ATRNL1: variants seen among roughly 807,000 people sequenced by gnomAD.
ATRNL1 encodes attractin like 1.
ATRNL1 carries 95 observed loss-of-function variants against 182.7 expected under a neutral mutation model. The observed-to-expected ratio is 0.52, with a 90% CI of 0.44 to 0.62. The LOEUF is 0.62. ATRNL1 is among the 20% of genes least tolerant of loss of function. The pLI, the probability that ATRNL1 is intolerant of heterozygous loss-of-function variation, is 0.00. For synonymous variants in ATRNL1, 576 were observed against 568.3 expected (o/e 1.01, Z -0.19); for missense variants, 1,471 against 1,679.5 (o/e 0.88, Z 2.17).
At chr10:115,490,998 A>G (rs1268475341) in intron 24 of ATRNL1, among the ~76,000 whole-genome samples, 1 of 152,146 alleles carries the variant, frequency 6.6e-6, no homozygotes, top group Non-Finnish European at 1.5e-5. Context: ...CCTCTGCTGC[A>G]GGTCTCCTGG....
chr10:115,765,601 T>G (rs1179643761), intron 27 of ATRNL1, among the ~76,000 whole-genome samples: 1 of 152,204 alleles, frequency 6.6e-6, no homozygotes, highest in Non-Finnish European at 1.5e-5. Context: ...CTTCTTACTC[T>G]CTTACATTGT....
chr10:115,211,381 A>G (rs1482094666), intron 8 of ATRNL1, among the ~76,000 whole-genome samples: 1 of 151,404 alleles, frequency 6.6e-6, no homozygotes, highest in Non-Finnish European at 1.5e-5. Context: ...TTGGACCTCC[A>G]TGGTTTCAGA....
At chr10:115,117,191 T>C (rs1279361456) in intron 1 of ATRNL1, among the ~76,000 whole-genome samples, 1 of 152,116 alleles carries the variant, frequency 6.6e-6, no homozygotes, top group Non-Finnish European at 1.5e-5. Context: ...ATGTATCCTT[T>C]GTGTTACAAA....
chr10:115,236,504 T>C (rs1434205655), intron 9 of ATRNL1, among the ~76,000 whole-genome samples: 1 of 152,240 alleles, frequency 6.6e-6, no homozygotes, highest in African/African-American at 2.4e-5. Context: ...AGATTTACTT[T>C]TTCCATTTAA....
intron 24 of ATRNL1, among the ~76,000 whole-genome samples, chr10:115,518,146 C>T (rs1850732854): frequency 6.6e-6 from 1 of 151,928 alleles, no homozygotes; most frequent in East Asian, 1.9e-4. Flanking sequence ...GTGTTCTTTC[C>T]TTGCACTGGA....
rs148411620 is a variant in ATRNL1, at chr10:115,587,461, G to A, written c.3795+37925G>A. On this transcript the variant is annotated intron_variant, in intron 26 of 28. Transcript: ENST00000355044. Reference sequence around the variant, plus strand: ...GCCAGGTGCGGAATATAATCTCGTGGTGTGCCGTTGTTTTAGCCCGTCGGA... The same window carrying A: ...GCCAGGTGCGGAATATAATCTCGTGATGTGCCGTTGTTTTAGCCCGTCGGA... Among the ~76,000 whole-genome samples the A allele has an allele frequency of 5.7e-3, 861 of 151,984 alleles. 9 individuals are homozygous for A. The highest frequency in any genetic ancestry group is 0.019 in the African/African-American group (790 of 41,494).
chr10:115,919,307 A>G (rs781920944), intron 28 of ATRNL1, among the ~76,000 whole-genome samples: 5 of 152,206 alleles, frequency 3.3e-5, no homozygotes, highest in Non-Finnish European at 7.3e-5. Flanking sequence ...GCTGGCTGAA[A>G]TGCTAAATAA....
intron 26 of ATRNL1, among the ~76,000 whole-genome samples, chr10:115,617,927 A>G (rs1857521832): frequency 6.6e-6 from 1 of 152,168 alleles, no homozygotes; most frequent in South Asian, 2.1e-4. Context: ...GTGGAAGGTT[A>G]TTGGATCATA....
intron 5 of ATRNL1, among the ~76,000 whole-genome samples, chr10:115,144,337 A>G (rs1554878850): frequency 6.6e-6 from 1 of 151,592 alleles, no homozygotes; most frequent in Non-Finnish European, 1.5e-5. Flanking sequence ...TTTAGTAGAG[A>G]CGGGGTTTCA....
intron 28 of ATRNL1, among the ~76,000 whole-genome samples, chr10:115,869,932 C>T (rs1487169834): frequency 7.2e-6 from 1 of 138,196 alleles, no homozygotes; most frequent in Non-Finnish European, 1.5e-5. Flanking sequence ...TAATTATTCT[C>T]CTCTTCTTGG....
intron 27 of ATRNL1, among the ~76,000 whole-genome samples, chr10:115,760,988 C>T (rs1397938905): frequency 2.6e-5 from 4 of 152,136 alleles, no homozygotes; most frequent in Non-Finnish European, 5.9e-5. Context: ...CATGGGAGGT[C>T]TCCTAAGGAG....
At chr10:115,283,798 T>C (rs1342285207) in intron 14 of ATRNL1, among the ~76,000 whole-genome samples, 1 of 152,148 alleles carries the variant, frequency 6.6e-6, no homozygotes, top group Non-Finnish European at 1.5e-5. Flanking sequence ...TTTGGAAAAA[T>C]GATAGTAAAG....
rs577249326 is a variant in ATRNL1, at chr10:115,448,006, T to C, written c.3323-13935T>C. Among the ~76,000 whole-genome samples, 3 of 152,262 alleles carry C rather than the reference T, an allele frequency of 2.0e-5. No individual in the cohort carries two copies. In the East Asian group the frequency reaches 5.8e-4, roughly 29 times the overall value. On this transcript the variant is annotated intron_variant, in intron 21 of 28. Coordinates refer to ENST00000355044, the MANE Select transcript of ATRNL1 (RefSeq NM_207303.4). ...CTAATTGAAACAATATCATTTTACA[T>C]ATTTATTGTGTATTTAAGTTTCTCT... is the stretch of plus-strand genomic sequence containing the variant.
At chr10:115,358,243 AAAG>A (rs1425311446) in intron 19 of ATRNL1, among the ~76,000 whole-genome samples, 8 of 151,740 alleles carry the variant, frequency 5.3e-5, no homozygotes, top group Admixed American at 5.3e-4. Flanking sequence ...GGAAAAGAAA[AAAG>A]AGACAATTTT....
In ATRNL1 at chr10:115,426,376, A is replaced by G. The variant is rs372997415; in HGVS notation, c.3322+74A>G. 1,590 of 1,065,080 alleles carry G rather than the reference A, an allele frequency of 1.5e-3. 36 individuals carry two copies. The South Asian group carries it at 0.025, about 17-fold the overall frequency. The allele number at this position is 1,065,080 out of a possible 1,614,324, so 66.0% of individuals were successfully genotyped here. A position where few individuals can be genotyped will look rare whatever the true frequency, so the allele number is the denominator to read the frequency against. ...GTTTCAAATAATAAAGGTCATCTTG[A>G]ATAACTAAAATTGTCATGAATATCT... On this transcript the variant is annotated intron_variant, in intron 21 of 28. Coordinates refer to ENST00000355044, the MANE Select transcript of ATRNL1 (RefSeq NM_207303.4).
At chr10:115,656,349 C>G (rs74158209) in intron 26 of ATRNL1, among the ~76,000 whole-genome samples, 3,408 of 152,228 alleles carry the variant, frequency 0.022, 117 homozygotes, top group African/African-American at 0.078. Flanking sequence ...AGAGTTTGCA[C>G]ATTCTCCCCA....
At chr10:115,300,910 C>T (rs1853437408) in intron 16 of ATRNL1, among the ~76,000 whole-genome samples, 1 of 152,100 alleles carries the variant, frequency 6.6e-6, no homozygotes, top group South Asian at 2.1e-4. Context: ...ACCCCACCCC[C>T]TACAGTCCCT....
At chr10:115,274,116 C>A (rs1592363318) in intron 13 of ATRNL1, among the ~76,000 whole-genome samples, 1 of 152,160 alleles carries the variant, frequency 6.6e-6, no homozygotes, top group African/African-American at 2.4e-5. Flanking sequence ...TATTATTTGC[C>A]TATAGGGGCC....
intron 5 of ATRNL1, among the ~76,000 whole-genome samples, chr10:115,148,473 G>A (rs1554879820): frequency 6.6e-6 from 1 of 152,120 alleles, no homozygotes; most frequent in East Asian, 1.9e-4. Flanking sequence ...ACTTGAAGTA[G>A]TATATTGATT....
Sources: gnomAD v4.1 joint callset for allele counts (sites outside exome capture counted in the v4.1 genomes callset) on GRCh38, gnomAD v4.1.1 for gene constraint, MANE v1.5 for transcripts, NCBI Gene and HGNC (gene_info 2026-07-23, HGNC 2026-07-21) for gene names.